Variants in CEMIP observed in about 807,000 individuals in gnomAD.
CEMIP encodes the protein cell migration-inducing and hyaluronan-binding protein.
CEMIP carries 105 observed loss-of-function variants against 156.9 expected under a neutral mutation model. That is an observed-to-expected ratio of 0.67 (90% CI 0.57 to 0.79). The LOEUF (loss-of-function observed/expected upper bound fraction) is 0.79, where lower values mean the gene tolerates loss of function less well. Ranked by LOEUF, CEMIP falls within the 30% of genes least tolerant of loss-of-function variation. The probability of loss-of-function intolerance (pLI) is 0.00; values close to 1 mark genes in which losing one functional copy is unlikely to be tolerated. For synonymous variants in CEMIP, 676 were observed against 668.4 expected, an observed-to-expected ratio of 1.01 and a Z score of -0.17; for missense variants, 1,457 against 1,769.4, an observed-to-expected ratio of 0.82 and a Z score of 3.17.
intron 1 of CEMIP, among the ~76,000 whole-genome samples, chr15:80,829,338 G>C (rs1292108971): frequency 6.6e-6 from 1 of 152,188 alleles, no homozygotes; most frequent in African/African-American, 2.4e-5. Flanking sequence ...TCATTCAGCT[G>C]CTGCTGTTGC....
intron 1 of CEMIP, among the ~76,000 whole-genome samples, chr15:80,840,731 G>T (rs1402180084): frequency 2.0e-5 from 3 of 152,220 alleles, no homozygotes; most frequent in Non-Finnish European, 1.5e-5. Context: ...GGACACACCA[G>T]CCTGGGGTGC....
In CEMIP at chr15:80,909,101, C is replaced by T. The variant is rs1225691915; in HGVS notation, c.1592C>T (p.Ala531Val). 1 of 1,613,802 alleles carries T rather than the reference C, an allele frequency of 6.2e-7. No individual in the cohort carries two copies. Among genetic ancestry groups the T allele is most frequent in the South Asian group, 1.1e-5 (1 of 91,042 alleles). ...FDTFGGHIKF[A>V]LGFKAAHLEG... ...CTCTCGGTTCTCCTCTCCTAGTTTGCTCTGGGATTTAAGGCAGCACACTTG... is the reference window on the plus strand; with the variant it reads ...CTCTCGGTTCTCCTCTCCTAGTTTGTTCTGGGATTTAAGGCAGCACACTTG... The change falls in exon 14 of 30, where the codon GCT becomes GTT. Residue 531 changes from alanine to valine, a missense_variant. Transcript: ENST00000394685.
chr15:80,853,907 A>G (rs896436387), intron 1 of CEMIP, among the ~76,000 whole-genome samples: 13 of 152,258 alleles, frequency 8.5e-5, no homozygotes, highest in African/African-American at 2.9e-4. Context: ...AACCTTTGTT[A>G]TGGGACCTTG....
chr15:80,857,391 GCCC>G (rs1220169763), intron 1 of CEMIP, among the ~76,000 whole-genome samples: 2 of 152,196 alleles, frequency 1.3e-5, no homozygotes, highest in African/African-American at 4.8e-5. Flanking sequence ...GCCCTCTAGG[GCCC>G]CCAGCTCTTT....
chr15:80,945,970 C>A (rs1901536094), intron 28 of CEMIP, among the ~76,000 whole-genome samples: 1 of 152,220 alleles, frequency 6.6e-6, no homozygotes, highest in African/African-American at 2.4e-5. Flanking sequence ...TTGCTCCAAA[C>A]CTCTGTGTCT....
chr15:80,877,376 C>T (rs954561529), intron 3 of CEMIP, among the ~76,000 whole-genome samples: 10 of 152,182 alleles, frequency 6.6e-5, no homozygotes, highest in African/African-American at 2.4e-4. Context: ...CCTTCCAGTA[C>T]CTGCCCCAGA....
Position 80,878,886 on chromosome 15 carries a change from G to T in CEMIP, c.241+19G>T, listed in dbSNP as rs368032160. The T allele has an allele frequency of 1.2e-5, 19 of 1,613,966 alleles. No individual in the cohort carries two copies. In the African/African-American group the frequency reaches 2.3e-4, roughly 19 times the overall value. On this transcript the variant is annotated intron_variant, in intron 4 of 29. Coordinates refer to ENST00000394685, the MANE Select transcript of CEMIP (RefSeq NM_001293298.2). ...GAGGGAGGTAAGCCAATCTCTCTCT[G>T]CTGCTCCCTCTTCCCTCCACTGCCC...
chr15:80,874,103 C>G (rs1390475201), intron 3 of CEMIP, 130 bp downstream of exon 3: 2 of 808,080 alleles, frequency 2.5e-6, no homozygotes, highest in Non-Finnish European at 4.1e-6. Context: ...TGGGCCTTGG[C>G]CCGACCTTAC....
intron 25 of CEMIP, chr15:80,938,194 A>T: frequency 1.8e-6 from 1 of 547,688 alleles, no homozygotes; most frequent in Non-Finnish European, 3.3e-6. Flanking sequence ...TATTAAATAT[A>T]CATGTGAATT....
At chr15:80,809,446 T>A (rs372158017) in intron 1 of CEMIP, among the ~76,000 whole-genome samples, 187 of 152,376 alleles carry the variant, frequency 1.2e-3, no homozygotes, top group African/African-American at 4.2e-3. Context: ...GAAGAAAATA[T>A]AACAATTCAG....
At chr15:80,940,823 C>A (rs538647379) in intron 25 of CEMIP, among the ~76,000 whole-genome samples, 1 of 152,300 alleles carries the variant, frequency 6.6e-6, no homozygotes, top group South Asian at 2.1e-4. Flanking sequence ...TCCATCTCCC[C>A]ATGTTCACAC....
At chr15:80,822,052 C>T (rs1896921319) in intron 1 of CEMIP, among the ~76,000 whole-genome samples, 2 of 152,370 alleles carry the variant, frequency 1.3e-5, no homozygotes, top group Admixed American at 1.3e-4. Flanking sequence ...TGGAGAATAA[C>T]TGGAAGTGTG....
At chr15:80,926,697 G>T (rs2141937283) in intron 19 of CEMIP, among the ~76,000 whole-genome samples, 1 of 152,084 alleles carries the variant, frequency 6.6e-6, no homozygotes, top group East Asian at 1.9e-4. Flanking sequence ...AGGCTTTTGG[G>T]TCCCCCAGCC....
At chr15:80,883,319 G>C (rs1898726054) in intron 6 of CEMIP, among the ~76,000 whole-genome samples, 1 of 152,086 alleles carries the variant, frequency 6.6e-6, no homozygotes, top group Non-Finnish European at 1.5e-5. Flanking sequence ...GTATTTCATG[G>C]ATATTTTACG....
intron 14 of CEMIP, among the ~76,000 whole-genome samples, chr15:80,917,461 G>A (rs1270915952): frequency 6.6e-6 from 1 of 152,174 alleles, no homozygotes; most frequent in African/African-American, 2.4e-5. Flanking sequence ...GCCAGCTCAG[G>A]AAGCCCACAT....
At chr15:80,873,386 A>G (rs1898360086) in intron 1 of CEMIP, among the ~76,000 whole-genome samples, 152 bp from the exon 2 acceptor site, 1 of 152,224 alleles carries the variant, frequency 6.6e-6, no homozygotes, top group Non-Finnish European at 1.5e-5. Flanking sequence ...GTTAGAAATC[A>G]GCCAGTCCAC....
At chr15:80,943,232 C>T (rs924812479) in intron 28 of CEMIP, 130 bp downstream of exon 28, 1 of 988,996 alleles carries the variant, frequency 1.0e-6, no homozygotes, top group Non-Finnish European at 1.6e-6. Context: ...CCACAGCCTG[C>T]CCACAAATCA....
At chr15:80,909,349 G>C (rs747742926) in intron 14 of CEMIP, 43 bp downstream of exon 14, 1 of 1,595,198 alleles carries the variant, frequency 6.3e-7, no homozygotes, top group Admixed American at 1.7e-5. Context: ...GATGGGCCAT[G>C]GATGGTTAGC....
intron 1 of CEMIP, among the ~76,000 whole-genome samples, chr15:80,798,876 C>T (rs563646472): frequency 2.6e-5 from 4 of 152,078 alleles, no homozygotes; most frequent in East Asian, 1.9e-4. Context: ...CTAGAGGTTC[C>T]GTGGATTGAT....
Sources: allele counts gnomAD v4.1 joint callset (sites outside exome capture counted in the v4.1 genomes callset), GRCh38; gene constraint gnomAD v4.1.1; transcripts MANE v1.5; gene names NCBI Gene and HGNC (gene_info 2026-07-23, HGNC 2026-07-21).